The following CORO7 variants were observed in gnomAD, a reference collection of about 807,000 sequenced individuals.
CORO7 encodes the protein coronin-7.
In CORO7, 107 loss-of-function variants were observed where a neutral mutation model predicts 126.6. That is an observed-to-expected ratio of 0.85 (90% confidence interval 0.72 to 0.99). The LOEUF (loss-of-function observed/expected upper bound fraction) is 0.99. Among genes scored for constraint, CORO7 ranks in the 50% least tolerant of loss-of-function variants. The pLI is 0.00. For missense variants in CORO7, 1,314 were observed against 1,255.8 expected (o/e 1.05, Z -0.70); for synonymous variants, 603 against 536.8 (o/e 1.12, Z -1.70).
In CORO7 at chr16:4,364,932, AC is replaced by A. The variant is rs1567253814; in HGVS notation, c.899-13del. 1.9e-6 allele frequency: 3 copies of A among 1,608,904 alleles called. No individual in the cohort carries two copies. In the Admixed American group the frequency reaches 5.0e-5, roughly 27 times the overall value. On this transcript the variant is annotated splice_polypyrimidine_tract_variant and intron_variant, in intron 11 of 27. Transcript: ENST00000251166. Reference sequence around the variant, plus strand: ...GACACACTGGGTCACTGTTGAGGACACCATAGGGGAACAGGCAGGATGGGCA... The same window carrying A: ...GACACACTGGGTCACTGTTGAGGACACATAGGGGAACAGGCAGGATGGGCA...
chr16:4,357,818 T>TG, intron 25 of CORO7, 150 bp downstream of exon 25: 1 of 1,384,512 alleles, frequency 7.2e-7, no homozygotes, highest in South Asian at 1.5e-5. Flanking sequence ...TGCCCTCCAC[T>TG]GGCTCAGAGA....
At chr16:4,380,933 C>T (rs2054933150) in intron 9 of CORO7, 1 of 1,589,438 alleles carries the variant, frequency 6.3e-7, no homozygotes, top group Non-Finnish European at 8.5e-7. Context: ...GCCCTGGGGC[C>T]TGGGGTGCAG....
intron 9 of CORO7, chr16:4,381,017 C>T (rs2054936437): frequency 1.7e-5 from 28 of 1,609,588 alleles, no homozygotes; most frequent in Non-Finnish European, 2.4e-5. Context: ...ACCACGGTGC[C>T]CCGAGACGTG....
At chr16:4,360,806 C>T in intron 19 of CORO7, 137 bp downstream of exon 19, 1 of 1,487,604 alleles carries the variant, frequency 6.7e-7, no homozygotes, top group Non-Finnish European at 8.9e-7. Context: ...CTCCTCACTG[C>T]TGGCCCCACC....
intron 9 of CORO7, among the ~76,000 whole-genome samples, chr16:4,378,959 C>T (rs1180092767): frequency 1.3e-5 from 2 of 152,048 alleles, no homozygotes; most frequent in Non-Finnish European, 2.9e-5. Flanking sequence ...CCTGCGTGGG[C>T]CCAACCCCGG....
intron 9 of CORO7, 113 bp downstream of exon 9, chr16:4,387,873 C>T (rs1338887761): frequency 2.2e-6 from 3 of 1,372,360 alleles, no homozygotes; most frequent in African/African-American, 2.9e-5. Flanking sequence ...GATCAGGTAC[C>T]CCAGAACACC....
intron 7 of CORO7, among the ~76,000 whole-genome samples, chr16:4,389,876 C>T (rs569528539): frequency 1.3e-5 from 2 of 152,326 alleles, no homozygotes; most frequent in South Asian, 4.1e-4. Flanking sequence ...GTCACTCATT[C>T]ATTCAAGAAA....
intron 9 of CORO7, 63 bp downstream of exon 9, chr16:4,387,923 G>T: frequency 6.3e-7 from 1 of 1,592,112 alleles, no homozygotes; most frequent in Non-Finnish European, 8.6e-7. Context: ...CGGATCAGGT[G>T]CCCTCACCTG....
At chr16:4,405,433 G>A (rs1224661832) in intron 6 of CORO7, 58 bp downstream of exon 6, 3 of 1,553,822 alleles carry the variant, frequency 1.9e-6, no homozygotes, top group East Asian at 2.3e-5. Context: ...AGCCCAGGGG[G>A]TCCCAGCCCA....
chr16:4,394,884 T>A (rs989696219), intron 7 of CORO7, among the ~76,000 whole-genome samples: 3 of 152,204 alleles, frequency 2.0e-5, no homozygotes, highest in African/African-American at 7.2e-5. Flanking sequence ...CTGGACCCTG[T>A]ACGTTTTGAC....
chr16:4,405,358 G>A (rs746439167), intron 6 of CORO7, 133 bp downstream of exon 6: 10 of 958,412 alleles, frequency 1.0e-5, no homozygotes, highest in Non-Finnish European at 1.3e-5. Flanking sequence ...AGGGGGCAGG[G>A]CACACAGATG....
intron 21 of CORO7, 117 bp downstream of exon 21, chr16:4,360,161 A>C: frequency 7.4e-7 from 1 of 1,354,558 alleles, no homozygotes; most frequent in Admixed American, 2.0e-5. Context: ...CCACCCACCC[A>C]ACCATCCAGT....
At chr16:4,384,184 C>A (rs1196729743) in intron 9 of CORO7, among the ~76,000 whole-genome samples, 5 of 152,224 alleles carry the variant, frequency 3.3e-5, no homozygotes, top group Non-Finnish European at 7.3e-5. Context: ...GGGACAGGAA[C>A]AAAGGGCCCA....
rs1204758303 is a variant in CORO7 at position 4,361,440 on chromosome 16, C to T, written c.1608G>A (p.Thr536=). ...CCCCATTCTGCAGCGTGGGCAGTGC[C>T]GTGTCGGGCAGGCGGCCAGGCTTCC... ...ELRKPGRLPD[T]ALPTLQNGAA... is the part of the protein sequence containing the mutation. The change falls in exon 17 of 28, where the codon ACG becomes ACA. Residue 536 remains threonine, a synonymous_variant. Transcript: ENST00000251166. 2.5e-6 allele frequency: 4 copies of T among 1,612,302 alleles called. No individual in the cohort carries two copies. The highest frequency in any genetic ancestry group is 3.4e-6 in the Non-Finnish European group (4 of 1,179,846).
At chr16:4,401,711 C>G (rs2055814678) in intron 6 of CORO7, among the ~76,000 whole-genome samples, 2 of 152,032 alleles carry the variant, frequency 1.3e-5, no homozygotes, top group African/African-American at 4.8e-5. Flanking sequence ...CAGGGGACAG[C>G]AGGAGACAGG....
chr16:4,412,333 C>T lies in CORO7; in HGVS notation c.232+23G>A, dbSNP rs374694507. The T allele has an allele frequency of 6.4e-5, 104 of 1,613,432 alleles. No individual in the cohort carries two copies. The African/African-American group carries it at 1.3e-3, about 20-fold the overall frequency. Reference sequence around the variant, plus strand: ...GGGAGGTGCAAGTTTCAGGCTTCACCCACTAGTCAGACACCCACTCACCTG... The same window carrying T: ...GGGAGGTGCAAGTTTCAGGCTTCACTCACTAGTCAGACACCCACTCACCTG... On this transcript the variant is annotated intron_variant, in intron 3 of 27. Transcript: ENST00000251166.
Position 4,355,058 on chromosome 16 carries a change from G to A in CORO7, c.*100C>T. On this transcript the variant is annotated 3_prime_UTR_variant, in exon 28 of 28. Transcript: ENST00000251166. ...GAAGGCAGGAGTGCAGGGGTGACAT[G>A]TGCCGGGGCCAGAGAGGTATCTTCC... The A allele has an allele frequency of 1.2e-5, 16 of 1,336,714 alleles. No homozygotes were observed. The highest frequency in any genetic ancestry group is 1.6e-5 in the Non-Finnish European group (16 of 1,005,538). 82.8% of individuals were successfully genotyped at this position (1,336,714 alleles called of 1,614,324 possible). A position where few individuals can be genotyped will look rare whatever the true frequency, so the allele number is the denominator to read the frequency against.
At chr16:4,360,243 C>T (rs1176028598) in intron 21 of CORO7, 35 bp downstream of exon 21, 1 of 1,612,820 alleles carries the variant, frequency 6.2e-7, no homozygotes, top group African/African-American at 1.3e-5. Context: ...CAGGTGGCTT[C>T]TGAAGCCTGG....
chr16:4,412,417 A>G lies in CORO7; in HGVS notation c.171T>C (p.Ile57=). The part of the protein sequence containing the change: ...FNSDRPGVLG[I]VPLQGQGEDK... Reference sequence around the variant, plus strand: ...CCTCTCCTTGGCCTTGCAGAGGCACAATGCCCAGTACACCTGTTAAACAAA... The same window carrying G: ...CCTCTCCTTGGCCTTGCAGAGGCACGATGCCCAGTACACCTGTTAAACAAA... Residue 57 remains isoleucine, a synonymous_variant, in exon 3 of 28, where the codon ATT becomes ATC. Transcript: ENST00000251166. 1 of 1,614,182 alleles carries G rather than the reference A, an allele frequency of 6.2e-7. No homozygotes were observed. The highest frequency in any genetic ancestry group is 8.5e-7 in the Non-Finnish European group (1 of 1,180,012).
Sources: allele counts gnomAD v4.1 joint callset (sites outside exome capture counted in the v4.1 genomes callset), GRCh38; gene constraint gnomAD v4.1.1; transcripts MANE v1.5; gene names NCBI Gene and HGNC (gene_info 2026-07-23, HGNC 2026-07-21).